The following CPA1 variants were observed in gnomAD, a reference collection of about 807,000 sequenced individuals.
The protein encoded by CPA1 is carboxypeptidase A1.
In CPA1, 42 loss-of-function variants were observed where a neutral mutation model predicts 48.7. The observed-to-expected ratio is 0.86, with a 90% CI of 0.67 to 1.11. CPA1 has a LOEUF of 1.11. Among genes scored for constraint, CPA1 ranks in the 50% most tolerant of loss-of-function variants. The probability of loss-of-function intolerance (pLI) is 0.00; values close to 1 mark genes in which losing one functional copy is unlikely to be tolerated. For missense variants in CPA1, 477 were observed against 544.7 expected (o/e 0.88, Z 1.24); for synonymous variants, 203 against 217.9 (o/e 0.93, Z 0.60).
In CPA1 at chr7:130,381,111, C is replaced by T. The variant is rs141209213; in HGVS notation, c.79C>T (p.Arg27Ter). Residue 27 changes from arginine to a stop codon, truncating the protein, a stop_gained, in exon 2 of 10, where the codon CGA becomes TGA. Transcript: ENST00000011292. LOFTEE classifies it high-confidence loss of function. Reference sequence around the variant, plus strand: ...CACTCTGCCCAGGCATCAGGTGCTCCGAATCTCTGTAGCCGATGAGGCCCA... The same window carrying T: ...CACTCTGCCCAGGCATCAGGTGCTCTGAATCTCTGTAGCCGATGAGGCCCA... ...KEDFVGHQVL[R>*]ISVADEAQVQ... 4.7e-4 allele frequency: 759 copies of T among 1,613,258 alleles called. 1 individual carries two copies. The highest frequency in any genetic ancestry group is 4.6e-4 in the Non-Finnish European group (544 of 1,179,740).
intron 4 of CPA1, among the ~76,000 whole-genome samples, chr7:130,382,587 C>A (rs896580772): frequency 7.4e-4 from 112 of 151,886 alleles, no homozygotes; most frequent in Admixed American, 1.5e-3. Context: ...CCTCAGCCTC[C>A]CGAGTAGCTG....
chr7:130,384,618 G>C lies in CPA1; in HGVS notation c.779G>C (p.Gly260Ala). The C allele has an allele frequency of 6.2e-7, 1 of 1,614,004 alleles. No homozygotes were observed. Among genetic ancestry groups the C allele is most frequent in the Non-Finnish European group, 8.5e-7 (1 of 1,179,872 alleles). Residue 260 changes from glycine (G) to alanine (A), a missense_variant, in exon 7 of 10, where the codon GGC (glycine) becomes GCC (alanine). By Grantham distance (60) the Gly-to-Ala change is moderately conservative (BLOSUM62 0). Coordinates refer to ENST00000011292, the MANE Select transcript of CPA1 (RefSeq NM_001868.4). ...GVDPNRNWDA[G>A]FGLSGASSNP... ...GACCCCAACAGGAACTGGGACGCTG[G>C]CTTTGGGTGTAAGGCCCAGAGTGTC...
chr7:130,381,804 C>CG lies in CPA1; in HGVS notation c.324dup (p.Ser109ValfsTer10). 1.9e-6 allele frequency: 3 copies of CG among 1,614,086 alleles called. No individual in the cohort carries two copies. The highest frequency in any genetic ancestry group is 3.3e-4 in the Middle Eastern group (2 of 6,062). On this transcript the variant is annotated frameshift_variant, in exon 3 of 10. Coordinates refer to ENST00000011292, the MANE Select transcript of CPA1 (RefSeq NM_001868.4). LOFTEE classifies it high-confidence loss of function. Reference sequence around the variant, plus strand: ...GGAGCAGGAGCAGATGTTCGCCTTCCGGTCCCGGGCGCGCTCCACCGACAC... The same window carrying CG: ...GGAGCAGGAGCAGATGTTCGCCTTCCGGGTCCCGGGCGCGCTCCACCGACAC...
In CPA1 at chr7:130,383,746, C is replaced by G; in HGVS notation, c.648C>G (p.Phe216Leu). 6.2e-7 allele frequency: 1 copy of G among 1,614,210 alleles called. No homozygotes were observed. Among genetic ancestry groups the G allele is most frequent in the Non-Finnish European group, 8.5e-7 (1 of 1,180,018 alleles). The stretch of plus-strand genomic sequence containing the variant: ...CCATTCTCGACACCTTGGACATCTT[C>G]CTGGAGATCGTCACCAACCCTGATG... ...FTAILDTLDI[F>L]LEIVTNPDGF... is the part of the protein sequence containing the mutation. The change falls in exon 6 of 10, where the codon TTC becomes TTG. Residue 216 changes from phenylalanine (F) to leucine (L), a missense_variant. Coordinates refer to ENST00000011292, the MANE Select transcript of CPA1 (RefSeq NM_001868.4).
intron 9 of CPA1, 98 bp downstream of exon 9, chr7:130,386,021 G>A: frequency 1.8e-6 from 2 of 1,097,940 alleles, no homozygotes; most frequent in Non-Finnish European, 2.7e-6. Context: ...AGTAGCCAAG[G>A]GCACCCAGAT....
Position 130,383,743 on chromosome 7 carries a change from C to T in CPA1, c.645C>T (p.Ile215=). ...CCGCCATTCTCGACACCTTGGACAT[C>T]TTCCTGGAGATCGTCACCAACCCTG... The part of the protein sequence containing the change: ...AFTAILDTLD[I]FLEIVTNPDG... The change falls in exon 6 of 10, where the codon ATC becomes ATT. Residue 215 remains isoleucine (I), a synonymous_variant. Transcript: ENST00000011292. The T allele has an allele frequency of 6.2e-7, 1 of 1,614,232 alleles. No homozygotes were observed. Among genetic ancestry groups the T allele is most frequent in the Non-Finnish European group, 8.5e-7 (1 of 1,180,034 alleles).
rs570466241 is a variant in CPA1, at chr7:130,387,888, C to T, written c.1137C>T (p.Phe379=). Residue 379 remains phenylalanine, a synonymous_variant, in exon 10 of 10, where the codon TTC becomes TTT. Coordinates refer to ENST00000011292, the MANE Select transcript of CPA1 (RefSeq NM_001868.4). The surrounding 1 kb of genome is among the most constrained non-coding windows in gnomAD (Gnocchi z 4.6). ...YSQGIKYSFT[F]ELRDTGRYGF... ...AGGGCATCAAGTACTCCTTCACCTT[C>T]GAGCTCCGGGACACTGGGCGCTATG... is the stretch of plus-strand genomic sequence containing the variant. The T allele has an allele frequency of 2.2e-5, 35 of 1,614,182 alleles. No homozygotes were observed. Among genetic ancestry groups the T allele is most frequent in the East Asian group, 1.3e-4 (6 of 44,892 alleles).
Position 130,381,269 on chromosome 7 carries a change from C to T in CPA1, c.147+90C>T, listed in dbSNP as rs972757396. The T allele has an allele frequency of 5.1e-5, 43 of 844,434 alleles. 1 individual carries two copies. Among genetic ancestry groups the T allele is most frequent in the African/African-American group, 4.6e-4 (27 of 58,590 alleles). The allele number at this position is 844,434 out of a possible 1,614,324, so 52.3% of individuals were successfully genotyped here. A position where few individuals can be genotyped will look rare whatever the true frequency, so the allele number is the denominator to read the frequency against. Reference sequence around the variant, plus strand: ...CAGCGGCCAACTGTGCCTGGGCTGTCTCCACCCAACAAGGAGACATGGAAT... The same window carrying T: ...CAGCGGCCAACTGTGCCTGGGCTGTTTCCACCCAACAAGGAGACATGGAAT... On this transcript the variant is annotated intron_variant, in intron 2 of 9. Transcript: ENST00000011292.
In CPA1 at chr7:130,387,895, C is replaced by T. The variant is rs782689631; in HGVS notation, c.1144C>T (p.Arg382Trp). 1.4e-5 allele frequency: 22 copies of T among 1,614,150 alleles called. No homozygotes were observed. Among genetic ancestry groups the T allele is most frequent in the Non-Finnish European group, 1.4e-5 (17 of 1,180,022 alleles). Reference protein sequence around the residue: ...GIKYSFTFELRDTGRYGFLLP... With the variant: ...GIKYSFTFELWDTGRYGFLLP... The stretch of plus-strand genomic sequence containing the variant: ...CAAGTACTCCTTCACCTTCGAGCTC[C>T]GGGACACTGGGCGCTATGGCTTCCT... The change falls in exon 10 of 10, where the codon CGG becomes TGG. Residue 382 changes from arginine (R) to tryptophan (W), a missense_variant. Arg to Trp is a moderately radical substitution (Grantham distance 101). Coordinates refer to ENST00000011292, the MANE Select transcript of CPA1 (RefSeq NM_001868.4). The surrounding 1 kb of genome is among the most constrained non-coding windows in gnomAD (Gnocchi z 4.6).
intron 6 of CPA1, 70 bp downstream of exon 6, chr7:130,383,864 A>T (rs1554411615): frequency 8.9e-7 from 1 of 1,126,844 alleles, no homozygotes; most frequent in Admixed American, 1.7e-5. Flanking sequence ...CAAGTAGTTC[A>T]CCCCTAATCT....
chr7:130,384,845 A>T (rs1251399602), intron 7 of CPA1: 2 of 609,810 alleles, frequency 3.3e-6, no homozygotes, highest in African/African-American at 3.7e-5. Context: ...TAAGGTCTGA[A>T]ATCCTACCTA....
rs782136930 is a variant in CPA1, at chr7:130,385,181, T to C, written c.823T>C (p.Tyr275His). 19 of 1,614,076 alleles carry C rather than the reference T, an allele frequency of 1.2e-5. No individual in the cohort carries two copies. The highest frequency in any genetic ancestry group is 1.6e-4 in the Middle Eastern group (1 of 6,084). ...CAGCAGTAACCCCTGCTCGGAGACT[T>C]ACCACGGCAAGTTTGCCAATTCCGA... ...GASSNPCSET[Y>H]HGKFANSEVE... Residue 275 changes from tyrosine to histidine, a missense_variant, in exon 8 of 10, where the codon TAC becomes CAC. Tyr to His is a moderately conservative substitution (Grantham distance 83). Coordinates refer to ENST00000011292, the MANE Select transcript of CPA1 (RefSeq NM_001868.4).
intron 4 of CPA1, among the ~76,000 whole-genome samples, chr7:130,382,588 C>A (rs1464646196): frequency 6.6e-6 from 1 of 150,986 alleles, no homozygotes; most frequent in Non-Finnish European, 1.5e-5. Flanking sequence ...CTCAGCCTCC[C>A]GAGTAGCTGA....
At chr7:130,380,667 C>T in intron 1 of CPA1, 82 bp downstream of exon 1, 1 of 798,190 alleles carries the variant, frequency 1.3e-6, no homozygotes. Context: ...GACAGACAGA[C>T]AGATACATGG....
rs1200623566 is a variant in CPA1 at position 130,387,708 on chromosome 7, T to C, written c.1073-116T>C. 7.7e-6 allele frequency: 7 copies of C among 911,056 alleles called. No homozygotes were observed. In the Admixed American group the frequency reaches 8.9e-5, roughly 12 times the overall value. The allele number at this position is 911,056 out of a possible 1,614,324, so 56.4% of individuals were successfully genotyped here. A position where few individuals can be genotyped will look rare whatever the true frequency, so the allele number is the denominator to read the frequency against. ...ACAGCAGACCTTAGTAGACACTGAC[T>C]CCACTCAGCATTGCACAAGGCACAG... On this transcript the variant is annotated intron_variant, in intron 9 of 9. Coordinates refer to ENST00000011292, the MANE Select transcript of CPA1 (RefSeq NM_001868.4). The surrounding 1 kb of genome is among the most constrained non-coding windows in gnomAD (Gnocchi z 4.6).
intron 6 of CPA1, 149 bp downstream of exon 6, chr7:130,383,943 G>A (rs1333484776): frequency 1.8e-5 from 12 of 667,282 alleles, no homozygotes; most frequent in East Asian, 7.9e-5. Flanking sequence ...CAACAGTGGC[G>A]TGATTGGCAT....
At chr7:130,383,591 A>G in intron 5 of CPA1, 93 bp from the exon 6 acceptor site, 2 of 1,407,924 alleles carry the variant, frequency 1.4e-6, no homozygotes, top group Non-Finnish European at 2.0e-6. Flanking sequence ...AGAAGCAGTG[A>G]CCACAGAGGA....
Position 130,385,527 on chromosome 7 carries a change from G to C in CPA1, c.987+182G>C, listed in dbSNP as rs2284682. 0.093 allele frequency among the ~76,000 whole-genome samples: 14,205 copies of C among 152,274 alleles called. 821 individuals carry two copies. The highest frequency in any genetic ancestry group is 0.18 in the South Asian group (884 of 4,822). On this transcript the variant is annotated intron_variant, in intron 8 of 9. Coordinates refer to ENST00000011292, the MANE Select transcript of CPA1 (RefSeq NM_001868.4). Reference sequence around the variant, plus strand: ...ATTTTTTCTGGGAAACTGAGGCACAGGAGTGATGGAGTCACTTCTGTAATG... The same window carrying C: ...ATTTTTTCTGGGAAACTGAGGCACACGAGTGATGGAGTCACTTCTGTAATG...
intron 6 of CPA1, 30 bp from the exon 7 acceptor site, chr7:130,384,506 C>T (rs749643026): frequency 2.8e-5 from 44 of 1,598,378 alleles, no homozygotes; most frequent in African/African-American, 9.4e-5. Flanking sequence ...ACACGTGCCT[C>T]GGGGTGGCTG....
Sources: gnomAD v4.1 joint callset for allele counts (sites outside exome capture counted in the v4.1 genomes callset) on GRCh38, gnomAD v4.1.1 for gene constraint, Gnocchi (gnomAD v3.1) non-coding constraint, MANE v1.5 for transcripts, NCBI Gene and HGNC (gene_info 2026-07-23, HGNC 2026-07-21) for gene names.